NCAM1: variants seen among roughly 807,000 people sequenced by gnomAD.
NCAM1 encodes the protein neural cell adhesion molecule 1.
A neutral mutation model predicts 109.8 loss-of-function variants in NCAM1; 14 were observed. The observed-to-expected ratio is 0.13, with a 90% confidence interval of 0.08 to 0.20. NCAM1 has a LOEUF of 0.20. Ranked by LOEUF, NCAM1 falls within the 10% of genes least tolerant of loss-of-function variation. NCAM1 has a pLI of 1.00. For missense variants in NCAM1, 774 were observed against 1,109.9 expected, an observed-to-expected ratio of 0.70 and a Z score of 4.30; for synonymous variants, 418 against 442.9, an observed-to-expected ratio of 0.94 and a Z score of 0.70.
chr11:113,039,870 G>A (rs1423729912), intron 1 of NCAM1, among the ~76,000 whole-genome samples: 1 of 152,188 alleles, frequency 6.6e-6, no homozygotes, highest in Non-Finnish European at 1.5e-5. Context: ...GCCAGGCACG[G>A]TGGCTCACAC....
Position 113,207,327 on chromosome 11 carries a change from C to T in NCAM1, c.695C>T (p.Thr232Ile), listed in dbSNP as rs782468975. Residue 232 changes from threonine (T) to isoleucine (I), a missense_variant, in exon 6 of 20, where the codon ACC (threonine) becomes ATC (isoleucine). Physicochemically the swap from Thr to Ile is moderately conservative, Grantham distance 89. Coordinates refer to ENST00000316851, the MANE Select transcript of NCAM1 (RefSeq NM_181351.5). ...NATANLGQSV[T>I]LVCDAEGFPE... ...ACCGCCAACCTCGGCCAGTCCGTCA[C>T]CCTGGTGTGCGATGCCGAAGGCTTC... 4 of 1,613,918 alleles carry T rather than the reference C, an allele frequency of 2.5e-6. No individual in the cohort carries two copies. The highest frequency in any genetic ancestry group is 3.3e-5 in the Admixed American group (2 of 60,012).
chr11:113,176,616 A>G (rs1369493543), intron 1 of NCAM1, among the ~76,000 whole-genome samples: 2 of 151,622 alleles, frequency 1.3e-5, no homozygotes, highest in Non-Finnish European at 2.9e-5. Flanking sequence ...AACACAAAAC[A>G]CTCCATGGTT....
chr11:113,003,489 T>C (rs570329542), intron 1 of NCAM1, among the ~76,000 whole-genome samples: 7 of 152,208 alleles, frequency 4.6e-5, no homozygotes, highest in Non-Finnish European at 1.0e-4. Context: ...GAGTTTAAGC[T>C]GTTAAGGTAC....
intron 1 of NCAM1, among the ~76,000 whole-genome samples, chr11:113,175,544 T>C (rs952712222): frequency 1.1e-4 from 16 of 152,234 alleles, no homozygotes; most frequent in African/African-American, 3.9e-4. Context: ...ATGCCTTATG[T>C]GTATATTTGG....
intron 1 of NCAM1, among the ~76,000 whole-genome samples, chr11:113,193,926 G>A (rs140433905): frequency 7.0e-4 from 107 of 152,274 alleles, no homozygotes; most frequent in African/African-American, 2.4e-3. Context: ...ACCATGGTTT[G>A]AAACCACTCA....
chr11:113,171,483 A>C (rs7103744), intron 1 of NCAM1, among the ~76,000 whole-genome samples: 3 of 152,102 alleles, frequency 2.0e-5, no homozygotes, highest in African/African-American at 7.2e-5. Flanking sequence ...AATACAAAAA[A>C]TTAGCCAGGC....
At chr11:113,115,149 G>C (rs1245085) in intron 1 of NCAM1, among the ~76,000 whole-genome samples, 14 of 152,172 alleles carry the variant, frequency 9.2e-5, no homozygotes, top group Admixed American at 3.9e-4. Context: ...CTGAGTTGCT[G>C]TTACTTTAGC....
intron 9 of NCAM1, among the ~76,000 whole-genome samples, chr11:113,222,840 ATCATGAG>A (rs1944726309): frequency 6.6e-6 from 1 of 152,200 alleles, no homozygotes; most frequent in African/African-American, 2.4e-5. Context: ...AAGTGTCCTT[ATCATGAG>A]TGTCTTACTT....
At position 113,233,562 on chromosome 11, in the gene NCAM1, G is replaced by A. The variant is rs1945074494; in HGVS notation, c.1693+245G>A. On this transcript the variant is annotated intron_variant, in intron 13 of 19. Transcript: ENST00000316851. This position sits in a 1 kb window ranked among gnomAD's most constrained non-coding sequence, Gnocchi z 4.5. The stretch of plus-strand genomic sequence containing the variant: ...AGGCATCTGTACCACATTCCAGGCA[G>A]GAACCTTGTGTAGGTTCTGAGCGCA... Among the ~76,000 whole-genome samples, 4 of 152,216 alleles carry A rather than the reference G, an allele frequency of 2.6e-5. No homozygotes were observed. The highest frequency in any genetic ancestry group is 2.6e-4 in the Admixed American group (4 of 15,284).
At chr11:113,269,917 C>A (rs549159841) in intron 17 of NCAM1, 2 of 527,710 alleles carry the variant, frequency 3.8e-6, no homozygotes, top group Middle Eastern at 5.2e-4. Context: ...GCTCAGTCTG[C>A]TCCCAGGACT....
At position 113,224,928 on chromosome 11, in the gene NCAM1, T is replaced by A. The variant is rs138565142; in HGVS notation, c.1089+3603T>A. On this transcript the variant is annotated intron_variant, in intron 9 of 19. Coordinates refer to ENST00000316851, the MANE Select transcript of NCAM1 (RefSeq NM_181351.5). The stretch of plus-strand genomic sequence containing the variant: ...AAAGAACATCCACACCAAAACCCCA[T>A]CTGCATGTCACCATCATCAAAGACC... Among the ~76,000 whole-genome samples the A allele has an allele frequency of 1.5e-3, 222 of 152,150 alleles. 1 individual carries two copies. Among genetic ancestry groups the A allele is most frequent in the Admixed American group, 5.2e-3 (80 of 15,284 alleles).
rs141693952 is a variant in NCAM1 at position 113,162,314 on chromosome 11, T to C, written c.53-40065T>C. Among the ~76,000 whole-genome samples, 1,428 of 152,294 alleles carry C rather than the reference T, an allele frequency of 9.4e-3. 8 individuals carry two copies. Among genetic ancestry groups the C allele is most frequent in the South Asian group, 0.029 (141 of 4,818 alleles). ...AGCATGTTTTTTGTCTTGTCATTTA[T>C]TTGTTTAAAAAAATGAAAAAAAAAT... is the stretch of plus-strand genomic sequence containing the variant. On this transcript the variant is annotated intron_variant, in intron 1 of 19. Coordinates refer to ENST00000316851, the MANE Select transcript of NCAM1 (RefSeq NM_181351.5).
chr11:113,250,447 C>T (rs1945643086), intron 15 of NCAM1, among the ~76,000 whole-genome samples: 1 of 152,186 alleles, frequency 6.6e-6, no homozygotes, highest in Admixed American at 6.5e-5. Flanking sequence ...CATTTCTAAC[C>T]TCTGGATGTA....
chr11:113,224,119 C>T (rs373833290), intron 9 of NCAM1, among the ~76,000 whole-genome samples: 6 of 152,172 alleles, frequency 3.9e-5, no homozygotes, highest in African/African-American at 7.2e-5. Flanking sequence ...GAGCGTGAGC[C>T]GAAGCAGGGC....
intron 1 of NCAM1, among the ~76,000 whole-genome samples, chr11:112,996,981 A>G (rs1951611900): frequency 6.6e-6 from 1 of 152,162 alleles, no homozygotes; most frequent in South Asian, 2.1e-4. Flanking sequence ...TATCAGCTCA[A>G]TTTCCAATGC....
intron 1 of NCAM1, among the ~76,000 whole-genome samples, chr11:113,185,068 T>TTTTATATATATATATATATATATA (rs1555108651): frequency 2.0e-5 from 2 of 99,656 alleles, no homozygotes; most frequent in East Asian, 3.7e-4. Context: ...GCATTTATAT[T>TTTTATATATATATATATATATATA]TATATATATA....
At position 113,276,670 on chromosome 11, in the gene NCAM1, T is replaced by A. The variant is rs200617376; in HGVS notation, c.*1283T>A. ...TGCTTCAGGGAATTAGTGTCTTTTT[T>A]TGGAAATCTGTTGAAGTAAAGTAAC... On this transcript the variant is annotated 3_prime_UTR_variant, in exon 20 of 20. Coordinates refer to ENST00000316851, the MANE Select transcript of NCAM1 (RefSeq NM_181351.5). 1 of 152,584 alleles carries A rather than the reference T, an allele frequency of 6.6e-6. No homozygotes were observed. The highest frequency in any genetic ancestry group is 1.9e-4 in the East Asian group (1 of 5,192). 9.5% of individuals were successfully genotyped at this position (152,584 alleles called of 1,614,324 possible).
intron 19 of NCAM1, among the ~76,000 whole-genome samples, chr11:113,272,268 G>T (rs1387887426): frequency 1.3e-5 from 2 of 152,100 alleles, no homozygotes; most frequent in African/African-American, 2.4e-5. Context: ...GGAAGCTGGG[G>T]ACCTGGTAAA....
intron 1 of NCAM1, among the ~76,000 whole-genome samples, chr11:113,024,688 G>T (rs1379951319): frequency 6.6e-6 from 1 of 151,896 alleles, no homozygotes; most frequent in African/African-American, 2.4e-5. Context: ...TCAGACTTAT[G>T]GTATGGTGAA....
Sources: allele counts gnomAD v4.1 joint callset (sites outside exome capture counted in the v4.1 genomes callset), GRCh38; gene constraint gnomAD v4.1.1; non-coding constraint Gnocchi (gnomAD v3.1); transcripts MANE v1.5; gene names NCBI Gene and HGNC (gene_info 2026-07-23, HGNC 2026-07-21).